CCND3: variants seen among roughly 807,000 people sequenced by gnomAD.
CCND3 encodes cyclin D3.
A neutral mutation model predicts 28.7 loss-of-function variants in CCND3; 9 were observed. The ratio of observed to expected loss-of-function variants is 0.31; its 90% CI spans 0.19 to 0.55. CCND3 has a LOEUF of 0.55. Ranked by LOEUF, CCND3 falls within the 20% of genes least tolerant of loss-of-function variation. The pLI is 0.93. For missense variants in CCND3, 315 were observed against 385.8 expected (o/e 0.82, Z 1.54); for synonymous variants, 164 against 163.9 (o/e 1.00, Z 0.00).
chr6:41,964,486 A>G lies in CCND3; in HGVS notation c.-45-23901T>C, dbSNP rs867099659. Among the ~76,000 whole-genome samples the G allele has an allele frequency of 1.8e-4, 19 of 103,128 alleles. No individual in the cohort carries two copies. The South Asian group carries it at 2.4e-3, about 13-fold the overall frequency. 67.7% of individuals were successfully genotyped at this position (103,128 alleles called of 152,430 possible). ...TGAGTGTGTGTGTGAGTGTGTGTGA[A>G]TGTGTGTGTGTGAGTGTGTGTGTGT... On this transcript the variant is annotated intron_variant, in intron 1 of 4. Transcript: ENST00000372988.
At chr6:42,025,316 C>G (rs1041925210) in intron 1 of CCND3, among the ~76,000 whole-genome samples, 1 of 152,196 alleles carries the variant, frequency 6.6e-6, no homozygotes, top group Non-Finnish European at 1.5e-5. Flanking sequence ...AGACCAAGGC[C>G]TCACAGAGGA....
At position 42,048,020 on chromosome 6, in the gene CCND3, T is replaced by C. The variant is rs951112063; in HGVS notation, c.-46+481A>G. On this transcript the variant is annotated intron_variant, in intron 1 of 4. Coordinates refer to the CCND3 transcript ENST00000372988. This position sits in a 1 kb window ranked among gnomAD's most constrained non-coding sequence, Gnocchi z 4.7. Reference sequence around the variant, plus strand: ...GCTCCCTTAGTAACAGCAACCAATTTATTCAGTTATTCCTCTTGTTGGCAC... The same window carrying C: ...GCTCCCTTAGTAACAGCAACCAATTCATTCAGTTATTCCTCTTGTTGGCAC... The C allele has an allele frequency of 2.0e-5, 3 of 153,200 alleles. No homozygotes were observed. The highest frequency in any genetic ancestry group is 4.4e-5 in the Non-Finnish European group (3 of 68,592). 9.5% of individuals were successfully genotyped at this position (153,200 alleles called of 1,614,324 possible). A position where few individuals can be genotyped will look rare whatever the true frequency, so the allele number is the denominator to read the frequency against.
Position 42,001,234 on chromosome 6 carries a change from C to CAAAAAA in CCND3, c.-46+47261_-46+47266dup, listed in dbSNP as rs56288797. On this transcript the variant is annotated intron_variant, in intron 1 of 4. Coordinates refer to the CCND3 transcript ENST00000372988. ...TGGGCAACAGAGCAAGACCCCATCT[C>CAAAAAA]AAAAAAAAAAAAAAAAAAGCTTATA... Among the ~76,000 whole-genome samples, 67 of 73,708 alleles carry CAAAAAA rather than the reference C, an allele frequency of 9.1e-4. 1 individual carries two copies. The highest frequency in any genetic ancestry group is 2.2e-3 in the South Asian group (3 of 1,344). The allele number at this position is 73,708 out of a possible 152,430, so 48.4% of individuals were successfully genotyped here.
intron 1 of CCND3, among the ~76,000 whole-genome samples, chr6:41,997,448 G>A (rs1184389495): frequency 6.6e-6 from 1 of 152,126 alleles, no homozygotes; most frequent in Admixed American, 6.6e-5. Flanking sequence ...TGAGTTATCT[G>A]GGGTAGAAAA....
At chr6:42,004,205 C>T (rs1467157526) in intron 1 of CCND3, among the ~76,000 whole-genome samples, 1 of 151,314 alleles carries the variant, frequency 6.6e-6, no homozygotes, top group Non-Finnish European at 1.5e-5. Flanking sequence ...AAGCGCTTCT[C>T]ATCCCTCACT....
At chr6:41,946,839 C>G (rs902407200) in intron 1 of CCND3, among the ~76,000 whole-genome samples, 3 of 152,036 alleles carry the variant, frequency 2.0e-5, no homozygotes, top group African/African-American at 7.3e-5. Context: ...AATCCCAGCA[C>G]TTTGGGAGGC....
Position 41,940,430 on chromosome 6 carries a change from G to T in CCND3, c.354C>A (p.Pro118=). Residue 118 remains proline (P), a synonymous_variant, in exon 2 of 5, where the codon CCC becomes CCA. Coordinates refer to ENST00000372991, the MANE Select transcript of CCND3 (RefSeq NM_001760.5). ...AGATGCACAGTTTTTCGATGGTCAGGGGCGTGGTCTCGCGCAGCTTGGAGG... is the reference window on the plus strand; with the variant it reads ...AGATGCACAGTTTTTCGATGGTCAGTGGCGTGGTCTCGCGCAGCTTGGAGG... ...LLASKLRETT[P]LTIEKLCIYT... is the part of the protein sequence containing the mutation. 1 of 1,613,900 alleles carries T rather than the reference G, an allele frequency of 6.2e-7. No homozygotes were observed. Among genetic ancestry groups the T allele is most frequent in the Non-Finnish European group, 8.5e-7 (1 of 1,179,970 alleles).
chr6:41,946,353 T>C (rs375429985), upstream of CCND3, among the ~76,000 whole-genome samples: 8 of 151,474 alleles, frequency 5.3e-5, no homozygotes, highest in Admixed American at 5.3e-4. Context: ...TCCTAGCACG[T>C]TGGGAGGCAG....
At chr6:41,999,938 C>T (rs1356305423) in intron 1 of CCND3, among the ~76,000 whole-genome samples, 1 of 152,040 alleles carries the variant, frequency 6.6e-6, no homozygotes, top group Non-Finnish European at 1.5e-5. Context: ...TATTTTAATA[C>T]ATCTTTTGCA....
At chr6:41,995,063 C>T (rs1762762018) in intron 1 of CCND3, among the ~76,000 whole-genome samples, 1 of 151,824 alleles carries the variant, frequency 6.6e-6, no homozygotes, top group Non-Finnish European at 1.5e-5. Flanking sequence ...CAGAGTGAGA[C>T]TCCGTCTCAA....
At chr6:42,033,807 C>T (rs1320954865) in intron 1 of CCND3, among the ~76,000 whole-genome samples, 3 of 150,748 alleles carry the variant, frequency 2.0e-5, no homozygotes, top group African/African-American at 4.9e-5. Context: ...GCTGAGATTG[C>T]GCCATTGCAC....
intron 1 of CCND3, among the ~76,000 whole-genome samples, chr6:41,959,715 C>T (rs912295187): frequency 1.3e-5 from 2 of 151,570 alleles, no homozygotes; most frequent in African/African-American, 4.9e-5. Context: ...CACCTGTAGT[C>T]CCAGCGCTTT....
intron 1 of CCND3, among the ~76,000 whole-genome samples, chr6:42,029,266 C>T (rs1454000099): frequency 1.3e-5 from 2 of 151,812 alleles, no homozygotes; most frequent in Non-Finnish European, 2.9e-5. Flanking sequence ...GTTGGGATTA[C>T]AGGCATGAGC....
At chr6:41,937,749 C>A in intron 2 of CCND3, 1 of 288,634 alleles carries the variant, frequency 3.5e-6, no homozygotes, top group Non-Finnish European at 6.8e-6. Context: ...ACGGAAGCAG[C>A]AGATACCACA....
chr6:41,996,055 T>A, intron 1 of CCND3, among the ~76,000 whole-genome samples: 1 of 149,536 alleles, frequency 6.7e-6, no homozygotes, highest in East Asian at 1.9e-4. Flanking sequence ...TTTTCTTTTC[T>A]TTCTGTATTC....
In CCND3 at chr6:41,936,071, C is replaced by T. The variant is rs1338343523; in HGVS notation, c.748G>A (p.Ala250Thr). The change falls in exon 5 of 5, where the codon GCA becomes ACA. Residue 250 changes from alanine (A) to threonine (T), a missense_variant. Ala to Thr is a moderately conservative substitution (Grantham distance 58, BLOSUM62 0). Coordinates refer to ENST00000372991, the MANE Select transcript of CCND3 (RefSeq NM_001760.5). The surrounding 1 kb of genome is among the most constrained non-coding windows in gnomAD (Gnocchi z 4.4). ...GCTTCCCTGAGGCTCTCCCTGAGTG[C>T]AGCTTCGATCTGCTCCTGACAGGCC... ...LRACQEQIEAALRESLREASQ... is the reference protein window; with the variant it reads ...LRACQEQIEATLRESLREASQ... 4 of 1,609,410 alleles carry T rather than the reference C, an allele frequency of 2.5e-6. No individual in the cohort carries two copies. Among genetic ancestry groups the T allele is most frequent in the African/African-American group, 1.3e-5 (1 of 74,916 alleles).
At chr6:41,953,121 A>C (rs1012811968) in intron 1 of CCND3, among the ~76,000 whole-genome samples, 3 of 151,866 alleles carry the variant, frequency 2.0e-5, no homozygotes, top group African/African-American at 7.3e-5. Flanking sequence ...AAAATACAAA[A>C]ATTCGCCGGG....
Position 41,935,618 on chromosome 6 carries a change from G to T in CCND3, c.*322C>A, listed in dbSNP as rs892916288. 13 of 346,596 alleles carry T rather than the reference G, an allele frequency of 3.8e-5. No individual in the cohort carries two copies. The East Asian group carries it at 3.9e-4, about 10-fold the overall frequency. The allele number at this position is 346,596 out of a possible 1,614,324, so 21.5% of individuals were successfully genotyped here. On this transcript the variant is annotated 3_prime_UTR_variant, in exon 5 of 5. Coordinates refer to ENST00000372991, the MANE Select transcript of CCND3 (RefSeq NM_001760.5). The stretch of plus-strand genomic sequence containing the variant: ...TGAAAACATGAGAGCCCCCAGGGGT[G>T]GGGGGGGGCGTTCAAAAGGAATGCT...
chr6:41,975,500 C>T (rs1311142925), intron 1 of CCND3, among the ~76,000 whole-genome samples: 2 of 152,188 alleles, frequency 1.3e-5, no homozygotes, highest in Non-Finnish European at 2.9e-5. Context: ...CACACCCCCA[C>T]GGCCACATCT....
Sources: allele counts gnomAD v4.1 joint callset (sites outside exome capture counted in the v4.1 genomes callset), GRCh38; gene constraint gnomAD v4.1.1; non-coding constraint Gnocchi (gnomAD v3.1); transcripts MANE v1.5; gene names NCBI Gene and HGNC (gene_info 2026-07-23, HGNC 2026-07-21).